The following OPA3 variants were observed in gnomAD, a reference collection of about 807,000 sequenced individuals.
OPA3 encodes optic atrophy 3 protein.
A neutral mutation model predicts 4.0 loss-of-function variants in OPA3; 6 were observed. That is an observed-to-expected ratio of 1.51 (90% confidence interval 0.83 to 2.99). The LOEUF is 2.99. Ranked by LOEUF, OPA3 falls within the 30% of genes most tolerant of loss-of-function variation. The pLI is 0.00. For synonymous variants in OPA3, 105 were observed against 117.1 expected (o/e 0.90, Z 0.67); for missense variants, 235 against 256.2 (o/e 0.92, Z 0.56).
downstream of OPA3, among the ~76,000 whole-genome samples, chr19:45,544,277 C>T (rs536585117): frequency 1.1e-3 from 161 of 152,270 alleles, 1 homozygote; most frequent in African/African-American, 3.6e-3. Context: ...ATAGCCACCA[C>T]GCGGAGGAAA....
intron 1 of OPA3, among the ~76,000 whole-genome samples, chr19:45,530,927 CTTTTTTTTTTTTTT>C (rs71173176): frequency 1.4e-3 from 49 of 35,448 alleles, no homozygotes; most frequent in East Asian, 4.3e-3. Context: ...ATGTCACCTA[CTTTTTTTTTTTTTT>C]TTTTTTTTTT....
exon 2 of OPA3, chr19:45,529,153 A>G: frequency 6.2e-7 from 1 of 1,609,804 alleles, no homozygotes; most frequent in Non-Finnish European, 8.5e-7. Context: ...CAGCTCCTCC[A>G]GGGCGAGCTG....
At chr19:45,541,365 G>A (rs1271892544), downstream of OPA3, among the ~76,000 whole-genome samples, 4 of 152,028 alleles carry the variant, frequency 2.6e-5, 1 homozygote, top group Non-Finnish European at 4.4e-5. Context: ...TGTACTATAG[G>A]GGGGTCTGGG....
intron 1 of OPA3, among the ~76,000 whole-genome samples, chr19:45,570,348 CT>C (rs1378596546): frequency 6.6e-6 from 1 of 152,128 alleles, no homozygotes; most frequent in Non-Finnish European, 1.5e-5. Flanking sequence ...GACTATGTGC[CT>C]TAGTTAGGTC....
At chr19:45,541,263 C>T (rs1166307864) in intron 1 of OPA3, among the ~76,000 whole-genome samples, 2 of 152,158 alleles carry the variant, frequency 1.3e-5, no homozygotes, top group East Asian at 3.9e-4. Context: ...GAGGTGAGGG[C>T]AGGGGGTGTC....
In OPA3 at chr19:45,552,799, C is replaced by T. The variant is rs1319333004; in HGVS notation, c.*715G>A. The T allele has an allele frequency of 6.0e-6, 1 of 165,738 alleles. No individual in the cohort carries two copies. Among genetic ancestry groups the T allele is most frequent in the Non-Finnish European group, 1.2e-5 (1 of 80,512 alleles). The allele number at this position is 165,738 out of a possible 1,614,324, so 10.3% of individuals were successfully genotyped here. ...CAAGCAATTCTCCTGCCTCAGCCTC[C>T]CGAGTAGCTGGGATTACAAGCGCAC... On this transcript the variant is annotated 3_prime_UTR_variant, in exon 2 of 2. Coordinates refer to ENST00000263275, the MANE Select transcript of OPA3 (RefSeq NM_025136.4).
intron 1 of OPA3, among the ~76,000 whole-genome samples, chr19:45,533,090 C>T (rs1050065162): frequency 6.6e-5 from 10 of 151,578 alleles, no homozygotes; most frequent in African/African-American, 2.2e-4. Context: ...GGGGTTTCAC[C>T]ATGTTGGTCA....
At chr19:45,572,808 T>C (rs1258805860) in intron 1 of OPA3, among the ~76,000 whole-genome samples, 1 of 143,012 alleles carries the variant, frequency 7.0e-6, no homozygotes, top group African/African-American at 2.5e-5. Context: ...TATCATACTA[T>C]ATATATAGAT....
rs975436685 is a variant in OPA3, at chr19:45,548,666, T to A, written c.*4848A>T. 17 of 972,898 alleles carry A rather than the reference T, an allele frequency of 1.7e-5. No individual in the cohort carries two copies. Among genetic ancestry groups the A allele is most frequent in the African/African-American group, 5.3e-5 (3 of 56,856 alleles). 60.3% of individuals were successfully genotyped at this position (972,898 alleles called of 1,614,324 possible). ...TTTTGTGTTTTATTTTTTTTATTTT[T>A]TTTTTTTTTGCGGGAGACGCCCTAC... On this transcript the variant is annotated 3_prime_UTR_variant, in exon 2 of 2. Coordinates refer to ENST00000263275, the MANE Select transcript of OPA3 (RefSeq NM_025136.4).
chr19:45,528,813 T>TA, exon 2 of OPA3: 1 of 474,202 alleles, frequency 2.1e-6, no homozygotes, highest in Non-Finnish European at 3.7e-6. Context: ...CGGGGTGGGA[T>TA]AGGGCGGGGT....
At chr19:45,583,904 C>T (rs564352376) in intron 1 of OPA3, among the ~76,000 whole-genome samples, 74 of 152,328 alleles carry the variant, frequency 4.9e-4, no homozygotes, top group African/African-American at 1.7e-3. Flanking sequence ...GGGGCTCCCA[C>T]TTTCCCGACC....
At chr19:45,535,812 T>A (rs1318214596) in intron 1 of OPA3, among the ~76,000 whole-genome samples, 1 of 148,510 alleles carries the variant, frequency 6.7e-6, no homozygotes, top group Non-Finnish European at 1.5e-5. Context: ...TCACCCAGGC[T>A]GGAGTGCAAT....
At chr19:45,572,110 TC>T (rs1969674874) in intron 1 of OPA3, among the ~76,000 whole-genome samples, 1 of 141,356 alleles carries the variant, frequency 7.1e-6, no homozygotes, top group African/African-American at 2.5e-5. Flanking sequence ...TATATATATA[TC>T]AATATATATT....
Position 45,549,057 on chromosome 19 carries a change from G to C in OPA3, c.*4457C>G. 1 of 917,778 alleles carries C rather than the reference G, an allele frequency of 1.1e-6. No homozygotes were observed. Among genetic ancestry groups the C allele is most frequent in the African/African-American group, 1.8e-5 (1 of 55,814 alleles). The allele number at this position is 917,778 out of a possible 1,614,324, so 56.9% of individuals were successfully genotyped here. A position where few individuals can be genotyped will look rare whatever the true frequency, so the allele number is the denominator to read the frequency against. On this transcript the variant is annotated 3_prime_UTR_variant, in exon 2 of 2. Transcript: ENST00000263275. ...TGACCTCAGGTGATCCACCCACCCT[G>C]GCCTCCCAAAGTGCTAGGATTACAG...
intron 1 of OPA3, among the ~76,000 whole-genome samples, chr19:45,569,577 C>T (rs1468692012): frequency 6.6e-6 from 1 of 152,104 alleles, no homozygotes; most frequent in East Asian, 1.9e-4. Context: ...AGTTTAGAAG[C>T]CGATACTCAC....
At chr19:45,544,840 G>A (rs1213862267), downstream of OPA3, among the ~76,000 whole-genome samples, 17 of 135,468 alleles carry the variant, frequency 1.3e-4, no homozygotes, top group Admixed American at 8.5e-4. Flanking sequence ...GAAATTAACC[G>A]GGCATGGTGG....
intron 1 of OPA3, among the ~76,000 whole-genome samples, chr19:45,562,841 C>T (rs1027423035): frequency 6.6e-6 from 1 of 152,162 alleles, no homozygotes; most frequent in African/African-American, 2.4e-5. Flanking sequence ...CCTGGGTCGC[C>T]TCATTGCATT....
chr19:45,556,568 A>G (rs1228989624), intron 1 of OPA3, among the ~76,000 whole-genome samples: 1 of 151,836 alleles, frequency 6.6e-6, no homozygotes, highest in Non-Finnish European at 1.5e-5. Context: ...ATGTTGCCAA[A>G]GCAGGTCTTG....
At chr19:45,574,136 G>GT (rs1202456539) in intron 1 of OPA3, among the ~76,000 whole-genome samples, 1 of 151,908 alleles carries the variant, frequency 6.6e-6, no homozygotes, top group African/African-American at 2.4e-5. Flanking sequence ...GCTCACGCCT[G>GT]TAATCCCAGC....
Sources: gnomAD v4.1 joint callset for allele counts (sites outside exome capture counted in the v4.1 genomes callset) on GRCh38, gnomAD v4.1.1 for gene constraint, MANE v1.5 for transcripts, NCBI Gene and HGNC (gene_info 2026-07-23, HGNC 2026-07-21) for gene names.